Variants in HS6ST3 observed in about 807,000 individuals in gnomAD.
The protein encoded by HS6ST3 is heparan sulfate 6-O-sulfotransferase 3, also known as heparan-sulfate 6-O-sulfotransferase 3.
In HS6ST3, 12 loss-of-function variants were observed where a neutral mutation model predicts 36.7. The observed-to-expected ratio is 0.33, with a 90% CI of 0.21 to 0.53. The LOEUF (loss-of-function observed/expected upper bound fraction) is 0.53. HS6ST3 is among the 20% of genes least tolerant of loss of function. The pLI is 0.95. For synonymous variants in HS6ST3, 240 were observed against 257.5 expected, an observed-to-expected ratio of 0.93 and a Z score of 0.65; for missense variants, 584 against 640.9, an observed-to-expected ratio of 0.91 and a Z score of 0.96.
chr13:96,816,975 A>G (rs1245893938), intron 1 of HS6ST3, among the ~76,000 whole-genome samples: 1 of 152,064 alleles, frequency 6.6e-6, no homozygotes, highest in Non-Finnish European at 1.5e-5. Context: ...TTCTACCCCT[A>G]TCTACTGGGT....
At chr13:96,115,012 T>C (rs2053887492) in intron 1 of HS6ST3, among the ~76,000 whole-genome samples, 1 of 152,172 alleles carries the variant, frequency 6.6e-6, no homozygotes, top group Non-Finnish European at 1.5e-5. Flanking sequence ...TAGGTAACCA[T>C]AGGAATTGTT....
At chr13:96,539,594 A>G (rs2056169995) in intron 1 of HS6ST3, among the ~76,000 whole-genome samples, 1 of 152,010 alleles carries the variant, frequency 6.6e-6, no homozygotes, top group Admixed American at 6.6e-5. Context: ...TGACCTCATG[A>G]TCCACCCGCC....
chr13:96,782,712 T>G (rs902814989), intron 1 of HS6ST3, among the ~76,000 whole-genome samples: 5 of 152,138 alleles, frequency 3.3e-5, no homozygotes, highest in Admixed American at 2.0e-4. Flanking sequence ...AAGGAAAAGT[T>G]TGATTTTACA....
intron 1 of HS6ST3, among the ~76,000 whole-genome samples, chr13:96,614,319 A>C (rs1031824994): frequency 2.7e-5 from 4 of 148,828 alleles, no homozygotes; most frequent in South Asian, 2.1e-4. Flanking sequence ...AAAAAAAAAA[A>C]AAAAAAAAAC....
chr13:96,569,347 A>G (rs1054660115), intron 1 of HS6ST3, among the ~76,000 whole-genome samples: 6 of 152,118 alleles, frequency 3.9e-5, no homozygotes, highest in African/African-American at 1.4e-4. Flanking sequence ...TCTCCATTGT[A>G]TCCTTGGAAT....
chr13:96,287,147 A>G (rs942792813), intron 1 of HS6ST3, among the ~76,000 whole-genome samples: 1 of 152,126 alleles, frequency 6.6e-6, no homozygotes, highest in African/African-American at 2.4e-5. Context: ...CCTAATTCTC[A>G]ATGTTTTTTC....
chr13:96,605,327 T>C lies in HS6ST3; in HGVS notation c.708-227163T>C, dbSNP rs528276542. Among the ~76,000 whole-genome samples the C allele has an allele frequency of 5.3e-5, 8 of 152,216 alleles. No individual in the cohort carries two copies. The South Asian group carries it at 1.7e-3, about 32-fold the overall frequency. On this transcript the variant is annotated intron_variant, in intron 1 of 1. Coordinates refer to ENST00000376705, the MANE Select transcript of HS6ST3 (RefSeq NM_153456.4). ...TGAAAGAATGCCTAAATGCTGAAAA[T>C]TACGACTTACTGCACTAATCATCAT... is the stretch of plus-strand genomic sequence containing the variant.
intron 1 of HS6ST3, among the ~76,000 whole-genome samples, chr13:96,512,681 A>G (rs1443539218): frequency 6.6e-6 from 1 of 152,126 alleles, no homozygotes; most frequent in Admixed American, 6.6e-5. Context: ...TATTTTTTCT[A>G]GTAGTTCATT....
At chr13:96,571,317 G>A (rs530580224) in intron 1 of HS6ST3, among the ~76,000 whole-genome samples, 1 of 152,114 alleles carries the variant, frequency 6.6e-6, no homozygotes, top group Non-Finnish European at 1.5e-5. Context: ...TTGGTTTTTC[G>A]TCGTATAGAA....
intron 1 of HS6ST3, among the ~76,000 whole-genome samples, chr13:96,389,719 G>T (rs961567286): frequency 2.0e-5 from 3 of 152,062 alleles, no homozygotes; most frequent in African/African-American, 7.2e-5. Flanking sequence ...AAATTAAAGG[G>T]ATCTTAAAAA....
intron 1 of HS6ST3, among the ~76,000 whole-genome samples, chr13:96,289,509 C>T (rs2054819262): frequency 6.6e-6 from 1 of 152,028 alleles, no homozygotes; most frequent in African/African-American, 2.4e-5. Flanking sequence ...TAAAGAATTG[C>T]TCACACAACT....
intron 1 of HS6ST3, among the ~76,000 whole-genome samples, chr13:96,219,158 C>A (rs181336655): frequency 6.6e-6 from 1 of 152,284 alleles, no homozygotes; most frequent in South Asian, 2.1e-4. Flanking sequence ...TTGCCTGGCT[C>A]ACAGATGATC....
chr13:96,345,857 C>CA (rs1369817041), intron 1 of HS6ST3, among the ~76,000 whole-genome samples: 1 of 152,126 alleles, frequency 6.6e-6, no homozygotes, highest in East Asian at 1.9e-4. Context: ...ATATAATCAC[C>CA]AAAAAAATCT....
At chr13:96,591,164 C>T (rs2056380611) in intron 1 of HS6ST3, among the ~76,000 whole-genome samples, 1 of 151,750 alleles carries the variant, frequency 6.6e-6, no homozygotes, top group South Asian at 2.1e-4. Context: ...CTCAGCATAG[C>T]TTTGACTATT....
At chr13:96,225,906 T>C (rs1369338835) in intron 1 of HS6ST3, among the ~76,000 whole-genome samples, 1 of 152,120 alleles carries the variant, frequency 6.6e-6, no homozygotes. Flanking sequence ...CATGCCACCA[T>C]TTATATGGAG....
chr13:96,776,217 A>G (rs1877383626), intron 1 of HS6ST3, among the ~76,000 whole-genome samples: 1 of 152,216 alleles, frequency 6.6e-6, no homozygotes, highest in African/African-American at 2.4e-5. Context: ...TTACGGCACT[A>G]AATGTCCACA....
At chr13:96,222,941 A>G (rs1051423469) in intron 1 of HS6ST3, among the ~76,000 whole-genome samples, 2 of 152,208 alleles carry the variant, frequency 1.3e-5, no homozygotes, top group Non-Finnish European at 2.9e-5. Context: ...ATGACCTGGT[A>G]AAAGGTGTCA....
chr13:96,508,198 C>T (rs544824747), intron 1 of HS6ST3, among the ~76,000 whole-genome samples: 14 of 152,090 alleles, frequency 9.2e-5, no homozygotes, highest in African/African-American at 1.7e-4. Flanking sequence ...TTAATCCCCA[C>T]GGTTTCATAA....
At chr13:96,479,466 G>T (rs558722740) in intron 1 of HS6ST3, among the ~76,000 whole-genome samples, 47 of 152,290 alleles carry the variant, frequency 3.1e-4, no homozygotes, top group African/African-American at 1.0e-3. Context: ...AGAAGAAAAA[G>T]GCTTAGGTTC....
Sources: allele counts gnomAD v4.1 joint callset (sites outside exome capture counted in the v4.1 genomes callset), GRCh38; gene constraint gnomAD v4.1.1; transcripts MANE v1.5; gene names NCBI Gene and HGNC (gene_info 2026-07-23, HGNC 2026-07-21).